The following PRPSAP1 variants were observed in gnomAD, a reference collection of about 807,000 sequenced individuals.
The protein encoded by PRPSAP1 is phosphoribosyl pyrophosphate synthase-associated protein 1.
A neutral mutation model predicts 39.4 loss-of-function variants in PRPSAP1; 31 were observed. The observed-to-expected ratio is 0.79, with a 90% CI of 0.59 to 1.06. The LOEUF (loss-of-function observed/expected upper bound fraction) is 1.06. PRPSAP1 is among the 50% of genes least tolerant of loss of function. The pLI is 0.00. For missense variants in PRPSAP1, 430 were observed against 511.6 expected (o/e 0.84, Z 1.54); for synonymous variants, 212 against 192.6 (o/e 1.10, Z -0.83).
chr17:76,316,564 T>C (rs905162029), intron 7 of PRPSAP1, among the ~76,000 whole-genome samples: 3 of 152,160 alleles, frequency 2.0e-5, no homozygotes, highest in African/African-American at 7.2e-5. Context: ...ACCCAAAAAA[T>C]AAAACACTAA....
In PRPSAP1 at chr17:76,330,585, G is replaced by A. The variant is rs1269625192; in HGVS notation, c.545C>T (p.Ala182Val). 1 of 1,612,110 alleles carries A rather than the reference G, an allele frequency of 6.2e-7. No individual in the cohort carries two copies. The highest frequency in any genetic ancestry group is 8.5e-7 in the Non-Finnish European group (1 of 1,178,502). Residue 182 changes from alanine (A) to valine (V), a missense_variant, in exon 5 of 10, where the codon GCC becomes GTC. Ala to Val is a moderately conservative substitution (Grantham distance 64). This residue lies in a region of PRPSAP1 where 278 missense variants were observed against 376.3 expected (regional missense o/e 0.74). Transcript: ENST00000446526. ...GATATACTGAAGCAGGAAAGGTGAG[G>A]CTCTAAGGTTGTCCACAGGAAAGCT... is the stretch of plus-strand genomic sequence containing the variant. Reference protein sequence around the residue: ...FFSFPVDNLRASPFLLQYIQE... With the variant: ...FFSFPVDNLRVSPFLLQYIQE...
intron 7 of PRPSAP1, 185 bp from the exon 8 acceptor site, chr17:76,314,076 T>C (rs2071095859): frequency 1.6e-6 from 1 of 610,826 alleles, no homozygotes; most frequent in Non-Finnish European, 2.9e-6. Context: ...CCAAAAGAAA[T>C]AGAAGGCATG....
chr17:76,347,604 C>T (rs923738516), intron 2 of PRPSAP1, among the ~76,000 whole-genome samples: 7 of 151,192 alleles, frequency 4.6e-5, no homozygotes, highest in East Asian at 1.9e-4. Context: ...ATTTCTTACT[C>T]GCTGAAGAGT....
At chr17:76,336,732 C>CAAAAAA (rs57399038) in intron 3 of PRPSAP1, among the ~76,000 whole-genome samples, 1 of 63,336 alleles carries the variant, frequency 1.6e-5, no homozygotes, top group Non-Finnish European at 3.0e-5. Flanking sequence ...AACTCCATCT[C>CAAAAAA]AAAAAAAAAA....
At chr17:76,331,587 A>T (rs1013302229) in intron 4 of PRPSAP1, among the ~76,000 whole-genome samples, 2 of 152,200 alleles carry the variant, frequency 1.3e-5, no homozygotes, top group African/African-American at 4.8e-5. Flanking sequence ...ATGGCATTTT[A>T]TATGGAAGAC....
At position 76,328,694 on chromosome 17, in the gene PRPSAP1, TAAA is replaced by T; in HGVS notation, c.781+20_781+22del. On this transcript the variant is annotated intron_variant, in intron 7 of 9. Coordinates refer to ENST00000446526, the MANE Select transcript of PRPSAP1 (RefSeq NM_002766.3). ...AACTTTCTTCAATTTACAAATAAAA[TAAA>T]AACACAGAGCTCATCTTACATGGCA... is the stretch of plus-strand genomic sequence containing the variant. 1 of 1,598,292 alleles carries T rather than the reference TAAA, an allele frequency of 6.3e-7. No homozygotes were observed. Among genetic ancestry groups the T allele is most frequent in the African/African-American group, 1.4e-5 (1 of 73,710 alleles).
intron 7 of PRPSAP1, among the ~76,000 whole-genome samples, chr17:76,326,472 C>T (rs548460218): frequency 6.6e-6 from 1 of 152,226 alleles, no homozygotes; most frequent in African/African-American, 2.4e-5. Flanking sequence ...GAATGCACAT[C>T]ACCAGTAATG....
At chr17:76,325,465 C>CT (rs1195338872) in intron 7 of PRPSAP1, among the ~76,000 whole-genome samples, 1 of 145,960 alleles carries the variant, frequency 6.9e-6, no homozygotes, top group Non-Finnish European at 1.5e-5. Context: ...GACCCCATCT[C>CT]TTAAAAAAAA....
intron 7 of PRPSAP1, among the ~76,000 whole-genome samples, chr17:76,324,602 CA>C (rs141820931): frequency 1.6e-3 from 220 of 137,910 alleles, no homozygotes; most frequent in Middle Eastern, 0.011. Context: ...AACTCCATCT[CA>C]AAAAAAAAAA....
chr17:76,314,237 G>C (rs1045364688), intron 7 of PRPSAP1: 1 of 234,526 alleles, frequency 4.3e-6, no homozygotes. Flanking sequence ...TGTATTTTTT[G>C]AGACGGAGTT....
upstream of PRPSAP1, chr17:76,353,979 T>C (rs923233627): frequency 3.6e-5 from 46 of 1,282,300 alleles, no homozygotes; most frequent in Non-Finnish European, 4.3e-5. Flanking sequence ...GGCCGCCATC[T>C]CGGATGAGGG....
rs1003398836 is a variant in PRPSAP1, at chr17:76,314,036, C to T, written c.782-145G>A. On this transcript the variant is annotated intron_variant, in intron 7 of 9. Coordinates refer to ENST00000446526, the MANE Select transcript of PRPSAP1 (RefSeq NM_002766.3). ...ACCATGCAAATTCCCCCTCAATGAA[C>T]CTGCAATCTCTCAGAAACAGCAGCA... 6 of 771,876 alleles carry T rather than the reference C, an allele frequency of 7.8e-6. No individual in the cohort carries two copies. The African/African-American group carries it at 1.0e-4, about 13-fold the overall frequency. The allele number at this position is 771,876 out of a possible 1,614,324, so 47.8% of individuals were successfully genotyped here.
Position 76,332,253 on chromosome 17 carries a change from G to A in PRPSAP1, c.463+10C>T, listed in dbSNP as rs751103457. The A allele has an allele frequency of 6.8e-6, 11 of 1,612,892 alleles. No individual in the cohort carries two copies. Among genetic ancestry groups the A allele is most frequent in the East Asian group, 6.7e-5 (3 of 44,874 alleles). On this transcript the variant is annotated intron_variant, in intron 4 of 9. Transcript: ENST00000446526. ...CATGCTGGAACCCCAGGGCCCCCGC[G>A]CACACTCACCTGCTTTCGCCAGCAT... is the stretch of plus-strand genomic sequence containing the variant.
In PRPSAP1 at chr17:76,344,709, A is replaced by G. The variant is rs1244084918; in HGVS notation, c.252T>C (p.Val84=). The G allele has an allele frequency of 3.2e-6, 5 of 1,583,604 alleles. No individual in the cohort carries two copies. The highest frequency in any genetic ancestry group is 4.3e-6 in the Non-Finnish European group (5 of 1,159,952). The change falls in exon 3 of 10, where the codon GTT becomes GTC. Residue 84 remains valine (V), a synonymous_variant. Coordinates refer to ENST00000446526, the MANE Select transcript of PRPSAP1 (RefSeq NM_002766.3). ...GTATAATGAAAATATCTTGGCCACG[A>G]ACAGATTCTTTTATTTCAACTCTTG... ...GETRVEIKES[V]RGQDIFIIQT... is the part of the protein sequence containing the mutation.
Position 76,311,659 on chromosome 17 carries a change from C to T in PRPSAP1, c.1041G>A (p.Leu347=). 1 of 1,614,080 alleles carries T rather than the reference C, an allele frequency of 6.2e-7. No individual in the cohort carries two copies. Among genetic ancestry groups the T allele is most frequent in the Non-Finnish European group, 8.5e-7 (1 of 1,180,008 alleles). ...CCACAGTCTTTATCTTGGGACATTG[C>T]AGCTTCTGAACCTCATGAGGGACAG... ...TNTVPHEVQK[L]QCPKIKTVDI... The change falls in exon 10 of 10, where the codon CTG becomes CTA. Residue 347 remains leucine, a synonymous_variant. Transcript: ENST00000446526.
At chr17:76,333,181 G>C (rs1289044239) in intron 3 of PRPSAP1, among the ~76,000 whole-genome samples, 4 of 152,040 alleles carry the variant, frequency 2.6e-5, no homozygotes, top group East Asian at 3.9e-4. Context: ...TGTGATCTCA[G>C]TTCACTGCAA....
chr17:76,315,674 A>G (rs2071114632), intron 7 of PRPSAP1, among the ~76,000 whole-genome samples: 1 of 146,972 alleles, frequency 6.8e-6, no homozygotes, highest in African/African-American at 2.5e-5. Context: ...AAACCATGTA[A>G]ACACGCAGTT....
rs1430248388 is a variant in PRPSAP1 at position 76,353,897 on chromosome 17, G to A, written c.-194C>T. 8 of 1,331,796 alleles carry A rather than the reference G, an allele frequency of 6.0e-6. No individual in the cohort carries two copies. Among genetic ancestry groups the A allele is most frequent in the Admixed American group, 4.1e-5 (1 of 24,666 alleles). The allele number at this position is 1,331,796 out of a possible 1,614,324, so 82.5% of individuals were successfully genotyped here. A position where few individuals can be genotyped will look rare whatever the true frequency, so the allele number is the denominator to read the frequency against. On this transcript the variant is annotated 5_prime_UTR_variant, in exon 1 of 10. Coordinates refer to ENST00000446526, the MANE Select transcript of PRPSAP1 (RefSeq NM_002766.3). Reference sequence around the variant, plus strand: ...CCGAGCCTTCGCAGCGCCCGGCGCCGCCGCCTCAGAGCCAGAGGCAAGGCC... The same window carrying A: ...CCGAGCCTTCGCAGCGCCCGGCGCCACCGCCTCAGAGCCAGAGGCAAGGCC...
At chr17:76,319,172 T>G (rs1419211669) in intron 7 of PRPSAP1, among the ~76,000 whole-genome samples, 2 of 151,870 alleles carry the variant, frequency 1.3e-5, no homozygotes, top group African/African-American at 4.8e-5. Flanking sequence ...ACTCCTGACC[T>G]CGTGATCTGC....
Sources: gnomAD v4.1 joint callset for allele counts (sites outside exome capture counted in the v4.1 genomes callset) on GRCh38, gnomAD v4.1.1 for gene constraint, gnomAD v4.1.1 regional missense constraint, MANE v1.5 for transcripts, NCBI Gene and HGNC (gene_info 2026-07-23, HGNC 2026-07-21) for gene names.